PPFIA2: variants seen among roughly 807,000 people sequenced by gnomAD.
PPFIA2 encodes the protein PPFI scaffold protein A2.
A neutral mutation model predicts 175.5 loss-of-function variants in PPFIA2; 46 were observed. The observed-to-expected ratio is 0.26, with a 90% CI of 0.21 to 0.34. The LOEUF (loss-of-function observed/expected upper bound fraction) is 0.34. PPFIA2 is among the 10% of genes least tolerant of loss of function. The pLI is 1.00. For synonymous variants in PPFIA2, 568 were observed against 511.4 expected (o/e 1.11, Z -1.49); for missense variants, 1,179 against 1,506.1 (o/e 0.78, Z 3.60).
intron 4 of PPFIA2, among the ~76,000 whole-genome samples, chr12:81,592,219 C>CT: frequency 6.6e-6 from 1 of 152,182 alleles, no homozygotes; most frequent in East Asian, 1.9e-4. Context: ...AATGCCTGTG[C>CT]CCCCATGGTA....
At chr12:81,299,051 G>T (rs2047173072) in intron 23 of PPFIA2, among the ~76,000 whole-genome samples, 1 of 152,088 alleles carries the variant, frequency 6.6e-6, no homozygotes, top group Non-Finnish European at 1.5e-5. Context: ...TTCTTCTCTT[G>T]CTCTAGAAAT....
intron 4 of PPFIA2, among the ~76,000 whole-genome samples, chr12:81,560,741 T>A (rs149635966): frequency 3.9e-5 from 6 of 152,280 alleles, no homozygotes; most frequent in Non-Finnish European, 8.8e-5. Flanking sequence ...AAAGGTCGTA[T>A]TTGGAATCGC....
At chr12:81,717,280 T>C (rs1049418463) in intron 3 of PPFIA2, among the ~76,000 whole-genome samples, 5 of 132,134 alleles carry the variant, frequency 3.8e-5, no homozygotes, top group African/African-American at 1.0e-4. Flanking sequence ...CATGAAACAG[T>C]GTTCTTCTTT....
intron 7 of PPFIA2, among the ~76,000 whole-genome samples, chr12:81,406,706 T>A (rs2042999068): frequency 6.6e-6 from 1 of 152,152 alleles, no homozygotes; most frequent in African/African-American, 2.4e-5. Flanking sequence ...TATTTTACAT[T>A]ATATTAATGC....
At chr12:81,494,837 C>T (rs2059848692) in intron 4 of PPFIA2, among the ~76,000 whole-genome samples, 1 of 149,924 alleles carries the variant, frequency 6.7e-6, no homozygotes, top group Non-Finnish European at 1.5e-5. Context: ...AGTAAACTAT[C>T]ACAAGGACAA....
At chr12:81,284,161 A>C (rs1033882600) in intron 25 of PPFIA2, 80 bp downstream of exon 25, 1 of 1,109,726 alleles carries the variant, frequency 9.0e-7, no homozygotes, top group Non-Finnish European at 1.3e-6. Flanking sequence ...ACTCTGGTCT[A>C]TTGTAAACAG....
chr12:81,458,683 A>G (rs1432078551), intron 4 of PPFIA2, among the ~76,000 whole-genome samples: 1 of 152,168 alleles, frequency 6.6e-6, no homozygotes, highest in Non-Finnish European at 1.5e-5. Context: ...TGGTATTTTT[A>G]CCAATAGGTA....
At chr12:81,270,434 A>G (rs1278542320) in intron 28 of PPFIA2, among the ~76,000 whole-genome samples, 1 of 152,186 alleles carries the variant, frequency 6.6e-6, no homozygotes, top group Non-Finnish European at 1.5e-5. Context: ...CTTTATAGAA[A>G]TGATCAATTA....
chr12:81,735,396 C>A (rs1408424500), intron 3 of PPFIA2, among the ~76,000 whole-genome samples: 2 of 151,786 alleles, frequency 1.3e-5, no homozygotes, highest in East Asian at 3.9e-4. Flanking sequence ...TTTACCATCA[C>A]TGATGAAATG....
intron 21 of PPFIA2, among the ~76,000 whole-genome samples, chr12:81,336,533 A>T (rs1715188377): frequency 6.6e-6 from 1 of 152,210 alleles, no homozygotes; most frequent in Admixed American, 6.5e-5. Context: ...CCCTTTGTGA[A>T]TTACTACAAA....
intron 32 of PPFIA2, chr12:81,260,320 A>G (rs922483871): frequency 2.0e-5 from 3 of 152,220 alleles, no homozygotes; most frequent in Admixed American, 2.0e-4. Flanking sequence ...ACTAGGAAAT[A>G]TGAACTAGAA....
chr12:81,712,014 A>C (rs2078000829), intron 3 of PPFIA2, among the ~76,000 whole-genome samples: 2 of 151,334 alleles, frequency 1.3e-5, no homozygotes, highest in African/African-American at 4.8e-5. Context: ...AGATTATATT[A>C]GAATATTTTA....
chr12:81,454,261 T>G (rs1052248656), intron 5 of PPFIA2, among the ~76,000 whole-genome samples: 1 of 152,100 alleles, frequency 6.6e-6, no homozygotes, highest in African/African-American at 2.4e-5. Flanking sequence ...ACAAACTGTA[T>G]TCTTCTTTGA....
chr12:81,384,353 GA>G (rs1278889920), intron 8 of PPFIA2, 109 bp from the exon 9 acceptor site: 15 of 829,500 alleles, frequency 1.8e-5, no homozygotes, highest in Non-Finnish European at 2.7e-5. Flanking sequence ...TGAGAAATAA[GA>G]AATTCTGAAA....
At chr12:81,440,241 G>C (rs932369641) in intron 6 of PPFIA2, among the ~76,000 whole-genome samples, 195 bp from the exon 7 acceptor site, 4 of 152,144 alleles carry the variant, frequency 2.6e-5, no homozygotes, top group African/African-American at 4.8e-5. Flanking sequence ...ACTGTATCAA[G>C]GGATTTCCTT....
At chr12:81,414,206 A>G (rs1180444276) in intron 7 of PPFIA2, among the ~76,000 whole-genome samples, 1 of 151,798 alleles carries the variant, frequency 6.6e-6, no homozygotes, top group Non-Finnish European at 1.5e-5. Context: ...GCCTTTTGGT[A>G]ATCAGTGAAA....
chr12:81,680,265 G>A (rs560439661), intron 3 of PPFIA2, among the ~76,000 whole-genome samples: 1 of 152,094 alleles, frequency 6.6e-6, no homozygotes, highest in African/African-American at 2.4e-5. Context: ...ACTACTCAGT[G>A]AACAGTTGCT....
intron 3 of PPFIA2, among the ~76,000 whole-genome samples, chr12:81,753,492 A>C (rs2084167250): frequency 6.6e-6 from 1 of 151,880 alleles, no homozygotes; most frequent in Admixed American, 6.6e-5. Flanking sequence ...ATATATTAGT[A>C]ATTCCAAGAA....
intron 4 of PPFIA2, chr12:81,545,320 A>G (rs2066818093): frequency 1.3e-5 from 2 of 152,136 alleles, no homozygotes; most frequent in African/African-American, 4.8e-5. Context: ...TCAGTTTTCT[A>G]CTTTATCATC....
Sources: gnomAD v4.1 joint callset for allele counts (sites outside exome capture counted in the v4.1 genomes callset) on GRCh38, gnomAD v4.1.1 for gene constraint, MANE v1.5 for transcripts, NCBI Gene and HGNC (gene_info 2026-07-23, HGNC 2026-07-21) for gene names.